CFHR2: variants seen among roughly 807,000 people sequenced by gnomAD.
CFHR2 encodes complement factor H-related protein 2.
In CFHR2, 22 loss-of-function variants were observed where a neutral mutation model predicts 21.7. That is an observed-to-expected ratio of 1.01 (90% CI 0.72 to 1.45). The LOEUF is 1.45. Ranked by LOEUF, CFHR2 falls within the 40% of genes most tolerant of loss-of-function variation. The probability of loss-of-function intolerance (pLI) is 0.00; values close to 1 mark genes in which losing one functional copy is unlikely to be tolerated. For synonymous variants in CFHR2, 98 were observed against 97.4 expected (o/e 1.01, Z -0.04); for missense variants, 294 against 293.3 (o/e 1.00, Z -0.02).
At chr1:196,948,410 G>T (rs542192340) in intron 1 of CFHR2, among the ~76,000 whole-genome samples, 1 of 151,976 alleles carries the variant, frequency 6.6e-6, no homozygotes, top group Non-Finnish European at 1.5e-5. Flanking sequence ...CAAGTAGCTG[G>T]GATTACAGGT....
At chr1:196,953,905 G>C (rs1027527592) in intron 3 of CFHR2, among the ~76,000 whole-genome samples, 19 of 152,124 alleles carry the variant, frequency 1.2e-4, no homozygotes, top group Admixed American at 4.6e-4. Flanking sequence ...GTTTACATAA[G>C]AATTAATATA....
chr1:196,949,718 C>T (rs1035780718), intron 2 of CFHR2, 69 bp downstream of exon 2: 2 of 1,579,958 alleles, frequency 1.3e-6, no homozygotes, highest in Non-Finnish European at 1.7e-6. Context: ...CAGACAAGAT[C>T]ATAAACACTT....
intron 1 of CFHR2, among the ~76,000 whole-genome samples, chr1:196,946,659 G>T (rs1470081729): frequency 6.6e-6 from 1 of 152,146 alleles, no homozygotes; most frequent in Admixed American, 6.5e-5. Flanking sequence ...CTCCGCTCTT[G>T]TCCCACTAGA....
intron 3 of CFHR2, among the ~76,000 whole-genome samples, chr1:196,957,407 GA>G (rs1652931790): frequency 6.7e-6 from 1 of 149,558 alleles, no homozygotes; most frequent in Non-Finnish European, 1.5e-5. Flanking sequence ...GGAAAAGGTA[GA>G]AAAGTTTGTT....
rs1659645924 is a variant in CFHR2, at chr1:196,949,537, A to G, written c.141A>G (p.Thr47=). The G allele has an allele frequency of 5.6e-6, 9 of 1,614,062 alleles. No homozygotes were observed. Among genetic ancestry groups the G allele is most frequent in the Non-Finnish European group, 7.6e-6 (9 of 1,179,966 alleles). ...ATAAGCCATTTTCCCAAGTTCCTAC[A>G]GGGGAAGTTTTCTATTACTCCTGTG... ...EKYKPFSQVP[T]GEVFYYSCEY... is the part of the protein sequence containing the mutation. The change falls in exon 2 of 5, where the codon ACA becomes ACG. Residue 47 remains threonine (T), a synonymous_variant. Transcript: ENST00000367415.
chr1:196,945,777 AGTGTGTGT>A lies in CFHR2; in HGVS notation c.58+1860_58+1867del, dbSNP rs201838824. Among the ~76,000 whole-genome samples the A allele has an allele frequency of 1.3e-3, 179 of 142,926 alleles. 1 individual carries two copies. Among genetic ancestry groups the A allele is most frequent in the African/African-American group, 3.2e-3 (120 of 37,700 alleles). 93.8% of individuals were successfully genotyped at this position (142,926 alleles called of 152,430 possible). A position where few individuals can be genotyped will look rare whatever the true frequency, so the allele number is the denominator to read the frequency against. On this transcript the variant is annotated intron_variant, in intron 1 of 4. Coordinates refer to ENST00000367415, the MANE Select transcript of CFHR2 (RefSeq NM_005666.4). ...GGCTATATATAGGTGACTGTGAGTG[AGTGTGTGT>A]GTGTGTGTGTGTGTGTGTGTATAAA...
rs777189831 is a variant in CFHR2, at chr1:196,959,112, A to G, written c.*32A>G. The G allele has an allele frequency of 2.2e-5, 30 of 1,390,534 alleles. No homozygotes were observed. Among genetic ancestry groups the G allele is most frequent in the Non-Finnish European group, 2.9e-5 (29 of 999,854 alleles). The allele number at this position is 1,390,534 out of a possible 1,614,324, so 86.1% of individuals were successfully genotyped here. A position where few individuals can be genotyped will look rare whatever the true frequency, so the allele number is the denominator to read the frequency against. On this transcript the variant is annotated 3_prime_UTR_variant, in exon 5 of 5. Coordinates refer to ENST00000367415, the MANE Select transcript of CFHR2 (RefSeq NM_005666.4). The stretch of plus-strand genomic sequence containing the variant: ...TGGCATTACTATTAGTAAAATGCAC[A>G]CCTTTTTCTGAATTTACTATTATAT...
chr1:196,952,650 G>C (rs912612704), intron 3 of CFHR2, among the ~76,000 whole-genome samples: 3 of 152,176 alleles, frequency 2.0e-5, no homozygotes, highest in Admixed American at 6.5e-5. Context: ...GTAAGACTTT[G>C]TTAGGCTTTG....
At chr1:196,957,747 A>G in intron 3 of CFHR2, 144 bp from the exon 4 acceptor site, 1 of 695,852 alleles carries the variant, frequency 1.4e-6, no homozygotes, top group Non-Finnish European at 2.4e-6. Context: ...TTCAGTTTGT[A>G]GGATAAATTT....
chr1:196,958,210 T>C (rs181804038), intron 4 of CFHR2, 137 bp downstream of exon 4: 19 of 716,400 alleles, frequency 2.7e-5, no homozygotes, highest in Middle Eastern at 2.7e-4. Flanking sequence ...GTCTATATGA[T>C]AGAATGTAAA....
At position 196,957,899 on chromosome 1, in the gene CFHR2, G is replaced by A; in HGVS notation, c.439G>A (p.Glu147Lys). 1.2e-6 allele frequency: 2 copies of A among 1,609,316 alleles called. No homozygotes were observed. Among genetic ancestry groups the A allele is most frequent in the African/African-American group, 1.3e-5 (1 of 74,836 alleles). The change falls in exon 4 of 5, where the codon GAA (glutamate) becomes AAA (lysine). Residue 147 changes from glutamate to lysine, a missense_variant. Transcript: ENST00000367415. ...PPKCRSTISA[E>K]KCGPPPPIDN... ...AAATGATGTTTTTTTAGTTTCTGCA[G>A]AAAAATGTGGGCCCCCTCCACCTAT...
At position 196,958,916 on chromosome 1, in the gene CFHR2, TATAAC is replaced by T; in HGVS notation, c.654_658del (p.Asn218LysfsTer16). 2.5e-6 allele frequency: 4 copies of T among 1,596,202 alleles called. No homozygotes were observed. Among genetic ancestry groups the T allele is most frequent in the East Asian group, 2.2e-5 (1 of 44,598 alleles). On this transcript the variant is annotated frameshift_variant, in exon 5 of 5. Transcript: ENST00000367415. LOFTEE classifies it low-confidence loss of function (END_TRUNC). The stretch of plus-strand genomic sequence containing the variant: ...AATATCACAAGAAATTATGGAAAAA[TATAAC>T]ATAAAATTAAAGTGGACAAACCAAC...
intron 1 of CFHR2, 31 bp from the exon 2 acceptor site, chr1:196,949,424 G>GAAGAA: frequency 6.4e-7 from 1 of 1,571,472 alleles, no homozygotes; most frequent in Non-Finnish European, 8.7e-7. Flanking sequence ...AGCTTATTAT[G>GAAGAA]TAATTCTTCA....
At chr1:196,958,794 C>A in intron 4 of CFHR2, 87 bp from the exon 5 acceptor site, 2 of 789,484 alleles carry the variant, frequency 2.5e-6, no homozygotes, top group East Asian at 2.7e-5. Flanking sequence ...ATTCCTCAAC[C>A]ATCATATAAC....
chr1:196,956,122 G>C (rs1162045791), intron 3 of CFHR2, among the ~76,000 whole-genome samples: 1 of 152,026 alleles, frequency 6.6e-6, no homozygotes, highest in Non-Finnish European at 1.5e-5. Flanking sequence ...CAATATCTGG[G>C]GATTACAATT....
intron 1 of CFHR2, among the ~76,000 whole-genome samples, chr1:196,947,899 A>T (rs963356691): frequency 1.3e-5 from 2 of 152,194 alleles, no homozygotes; most frequent in African/African-American, 4.8e-5. Flanking sequence ...GAGGTTATGC[A>T]TGTGGTAGGG....
intron 2 of CFHR2, among the ~76,000 whole-genome samples, chr1:196,950,253 T>C (rs1659674287): frequency 6.6e-6 from 1 of 152,166 alleles, no homozygotes. Flanking sequence ...TATATGTAGA[T>C]GTTCTTTTGT....
At chr1:196,953,707 T>C (rs1457706874) in intron 3 of CFHR2, among the ~76,000 whole-genome samples, 1 of 152,232 alleles carries the variant, frequency 6.6e-6, no homozygotes, top group African/African-American at 2.4e-5. Flanking sequence ...AAGTTTTATA[T>C]AAGTGAAATG....
Position 196,959,333 on chromosome 1 carries a change from T to A in CFHR2, c.*253T>A. ...AAAAAATTGACAATAACTGTATATA[T>A]TCATGGAGTACATAGTAATGTTTCC... On this transcript the variant is annotated 3_prime_UTR_variant, in exon 5 of 5. Coordinates refer to ENST00000367415, the MANE Select transcript of CFHR2 (RefSeq NM_005666.4). 1 of 370,376 alleles carries A rather than the reference T, an allele frequency of 2.7e-6. No individual in the cohort carries two copies. The highest frequency in any genetic ancestry group is 3.6e-5 in the South Asian group (1 of 28,096). The allele number at this position is 370,376 out of a possible 1,614,324, so 22.9% of individuals were successfully genotyped here.
Sources: gnomAD v4.1 joint callset for allele counts (sites outside exome capture counted in the v4.1 genomes callset) on GRCh38, gnomAD v4.1.1 for gene constraint, MANE v1.5 for transcripts, NCBI Gene and HGNC (gene_info 2026-07-23, HGNC 2026-07-21) for gene names.